DSCAM: variants seen among roughly 807,000 people sequenced by gnomAD.
DSCAM encodes cell adhesion molecule DSCAM.
A neutral mutation model predicts 217.7 loss-of-function variants in DSCAM; 47 were observed. The observed-to-expected ratio is 0.22, with a 90% CI of 0.17 to 0.28. The LOEUF (loss-of-function observed/expected upper bound fraction) is 0.28. DSCAM is among the 10% of genes least tolerant of loss of function. DSCAM has a pLI of 1.00. For missense variants in DSCAM, 2,080 were observed against 2,618.3 expected (o/e 0.79, Z 4.49); for synonymous variants, 1,056 against 1,015.3 (o/e 1.04, Z -0.76).
rs1402697611 is a variant in DSCAM at position 40,685,931 on chromosome 21, GC to G, written c.508+6878del. On this transcript the variant is annotated intron_variant, in intron 3 of 32. Coordinates refer to ENST00000400454, the MANE Select transcript of DSCAM (RefSeq NM_001389.5). Reference sequence around the variant, plus strand: ...TGCATATCCATGGGAGGAAACTGAGGCAAACAAAAACAAAAACAAAAACAAA... The same window carrying G: ...TGCATATCCATGGGAGGAAACTGAGGAAACAAAAACAAAAACAAAAACAAA... Among the ~76,000 whole-genome samples, 144 of 141,248 alleles carry G rather than the reference GC, an allele frequency of 1.0e-3. 1 individual carries two copies. The highest frequency in any genetic ancestry group is 1.8e-3 in the Non-Finnish European group (117 of 63,682). 92.7% of individuals were successfully genotyped at this position (141,248 alleles called of 152,430 possible). A position where few individuals can be genotyped will look rare whatever the true frequency, so the allele number is the denominator to read the frequency against.
chr21:40,376,589 T>TATATCGATATCTATATATCTTATATCG lies in DSCAM; in HGVS notation c.509-7345_509-7344insCGATATAAGATATATAGATATCGATAT, dbSNP rs2074960305. 4.3e-4 allele frequency among the ~76,000 whole-genome samples: 6 copies of TATATCGATATCTATATATCTTATATCG among 14,070 alleles called. 2 individuals are homozygous for TATATCGATATCTATATATCTTATATCG. Among genetic ancestry groups the TATATCGATATCTATATATCTTATATCG allele is most frequent in the African/African-American group, 5.5e-4 (2 of 3,608 alleles). 9.2% of individuals were successfully genotyped at this position (14,070 alleles called of 152,430 possible). Reference sequence around the variant, plus strand: ...ATCTTATATCGATATCTATATATCTTATATCGATATCTATATATCTTATAT... The same window carrying TATATCGATATCTATATATCTTATATCG: ...ATCTTATATCGATATCTATATATCTTATATCGATATCTATATATCTTATATCGATATCGATATCTATATATCTTATAT... On this transcript the variant is annotated intron_variant, in intron 3 of 32. Coordinates refer to ENST00000400454, the MANE Select transcript of DSCAM (RefSeq NM_001389.5).
At chr21:40,464,534 A>G (rs2075829208) in intron 3 of DSCAM, among the ~76,000 whole-genome samples, 1 of 152,170 alleles carries the variant, frequency 6.6e-6, no homozygotes, top group Admixed American at 6.5e-5. Flanking sequence ...AGCACTGTCC[A>G]AGCAAAAACA....
At chr21:40,548,855 G>A (rs2076606495) in intron 3 of DSCAM, among the ~76,000 whole-genome samples, 1 of 152,120 alleles carries the variant, frequency 6.6e-6, no homozygotes, top group South Asian at 2.1e-4. Context: ...ATCTGAGAGT[G>A]GCCCAAAGAA....
Position 40,090,737 on chromosome 21 carries a change from A to T in DSCAM, c.3850+2984T>A, listed in dbSNP as rs182338651. Among the ~76,000 whole-genome samples the T allele has an allele frequency of 6.7e-3, 1,021 of 152,248 alleles. 10 individuals are homozygous for T. The highest frequency in any genetic ancestry group is 0.012 in the Non-Finnish European group (795 of 68,006). On this transcript the variant is annotated intron_variant, in intron 21 of 32. Transcript: ENST00000400454. ...CTCATTCCCATCCCAGGTGTAAGCG[A>T]TATCCAGACGCTGACCCGCCTGAAT...
intron 3 of DSCAM, among the ~76,000 whole-genome samples, chr21:40,488,299 T>C (rs2076047136): frequency 6.6e-6 from 1 of 152,220 alleles, no homozygotes; most frequent in African/African-American, 2.4e-5. Flanking sequence ...TCTGCTAAAG[T>C]GATGCCAGAG....
intron 18 of DSCAM, among the ~76,000 whole-genome samples, chr21:40,138,811 T>C (rs111067076): frequency 0.53 from 77,643 of 146,780 alleles, 20,863 homozygotes; most frequent in South Asian, 0.69. Context: ...ATGTGTGGTG[T>C]GTGTACGTGT....
At chr21:40,524,878 C>T (rs550890299) in intron 3 of DSCAM, among the ~76,000 whole-genome samples, 14 of 151,890 alleles carry the variant, frequency 9.2e-5, no homozygotes, top group Admixed American at 3.3e-4. Context: ...GGCGTGGTGG[C>T]ATGCACCTAT....
At chr21:40,244,812 G>A (rs57096524) in intron 11 of DSCAM, among the ~76,000 whole-genome samples, 10 of 152,146 alleles carry the variant, frequency 6.6e-5, no homozygotes, top group Non-Finnish European at 1.2e-4. Flanking sequence ...CCAGGGGGTG[G>A]GATGGGTGAA....
chr21:40,628,654 A>T (rs1333083126), intron 3 of DSCAM, among the ~76,000 whole-genome samples: 1 of 152,220 alleles, frequency 6.6e-6, no homozygotes, highest in Admixed American at 6.5e-5. Context: ...GAGTTAATAG[A>T]TGAAAAACAT....
intron 3 of DSCAM, among the ~76,000 whole-genome samples, chr21:40,541,394 T>C (rs1035085010): frequency 3.3e-5 from 5 of 152,122 alleles, no homozygotes; most frequent in African/African-American, 1.2e-4. Context: ...TAATACATAT[T>C]TGAAACACAC....
intron 19 of DSCAM, among the ~76,000 whole-genome samples, chr21:40,128,632 T>C (rs1328811049): frequency 6.7e-6 from 1 of 149,810 alleles, no homozygotes; most frequent in Non-Finnish European, 1.5e-5. Flanking sequence ...GCTACCATGC[T>C]GTAGGGGGTG....
intron 3 of DSCAM, among the ~76,000 whole-genome samples, chr21:40,582,775 A>C (rs2146226130): frequency 6.6e-6 from 1 of 152,306 alleles, no homozygotes; most frequent in East Asian, 1.9e-4. Context: ...CCTTACTAGA[A>C]GCAAGAGTGT....
chr21:40,800,509 G>T (rs1036851825), intron 1 of DSCAM, among the ~76,000 whole-genome samples: 3 of 152,116 alleles, frequency 2.0e-5, no homozygotes, highest in African/African-American at 7.2e-5. Context: ...TAGAGATATG[G>T]CCAGTAAAGG....
At chr21:40,044,314 G>A (rs1389281855) in intron 30 of DSCAM, 39 bp from the exon 31 acceptor site, 1 of 1,589,746 alleles carries the variant, frequency 6.3e-7, no homozygotes, top group Non-Finnish European at 8.6e-7. Context: ...TTTGTCTGCA[G>A]GAGTGTGGTC....
intron 1 of DSCAM, among the ~76,000 whole-genome samples, chr21:40,843,965 C>A (rs2092123883): frequency 6.6e-6 from 1 of 151,016 alleles, no homozygotes. Context: ...ACTACATAAT[C>A]TTTTACAAAT....
At chr21:40,430,519 T>A (rs2075520450) in intron 3 of DSCAM, among the ~76,000 whole-genome samples, 1 of 152,196 alleles carries the variant, frequency 6.6e-6, no homozygotes, top group African/African-American at 2.4e-5. Flanking sequence ...TCCAAGCTCT[T>A]CAGTTTTGGG....
rs559321128 is a variant in DSCAM, at chr21:40,452,102, T to C, written c.509-82857A>G. Among the ~76,000 whole-genome samples, 5 of 152,062 alleles carry C rather than the reference T, an allele frequency of 3.3e-5. No homozygotes were observed. In the East Asian group the frequency reaches 9.7e-4, roughly 29 times the overall value. On this transcript the variant is annotated intron_variant, in intron 3 of 32. Transcript: ENST00000400454. ...CCCATTATACACAAAATCAAGATGA[T>C]TAAATGTGGAGAAAAATACATCCAA... is the stretch of plus-strand genomic sequence containing the variant.
At chr21:40,279,145 TA>T (rs2123391415) in intron 10 of DSCAM, among the ~76,000 whole-genome samples, 1 of 152,342 alleles carries the variant, frequency 6.6e-6, no homozygotes, top group South Asian at 2.1e-4. Flanking sequence ...TTTAAAAACA[TA>T]ACAGTATTTT....
intron 3 of DSCAM, among the ~76,000 whole-genome samples, chr21:40,576,310 C>A (rs947469555): frequency 3.9e-5 from 6 of 152,136 alleles, no homozygotes; most frequent in Non-Finnish European, 7.3e-5. Flanking sequence ...AAATCAGATA[C>A]CTAAGAATAC....
Sources: gnomAD v4.1 joint callset for allele counts (sites outside exome capture counted in the v4.1 genomes callset) on GRCh38, gnomAD v4.1.1 for gene constraint, MANE v1.5 for transcripts, NCBI Gene and HGNC (gene_info 2026-07-23, HGNC 2026-07-21) for gene names.